Variants in EDIL3 observed in about 807,000 individuals in gnomAD.
EDIL3 encodes the protein EGF like and discoidin domains 3, also known as EGF-like repeat and discoidin I-like domain-containing protein 3.
EDIL3 carries 37 observed loss-of-function variants against 67.4 expected under a neutral mutation model. The ratio of observed to expected loss-of-function variants is 0.55; its 90% CI spans 0.42 to 0.72. The LOEUF is 0.72. Ranked by LOEUF, EDIL3 falls within the 30% of genes least tolerant of loss-of-function variation. The pLI, the probability that EDIL3 is intolerant of heterozygous loss-of-function variation, is 0.00. For missense variants in EDIL3, 527 were observed against 586.3 expected (o/e 0.90, Z 1.04); for synonymous variants, 195 against 196.3 (o/e 0.99, Z 0.05).
intron 6 of EDIL3, among the ~76,000 whole-genome samples, chr5:84,103,378 T>C (rs780106398): frequency 6.6e-6 from 1 of 152,012 alleles, no homozygotes; most frequent in Non-Finnish European, 1.5e-5. Flanking sequence ...TGGGATCTAA[T>C]TAAACTAAAG....
At chr5:84,375,310 C>A (rs191348065) in intron 1 of EDIL3, among the ~76,000 whole-genome samples, 13 of 152,176 alleles carry the variant, frequency 8.5e-5, no homozygotes, top group Non-Finnish European at 1.5e-4. Context: ...TGGAATAATA[C>A]AGCATAATTC....
At chr5:83,988,578 G>A (rs1392305552) in intron 9 of EDIL3, among the ~76,000 whole-genome samples, 1 of 152,034 alleles carries the variant, frequency 6.6e-6, no homozygotes, top group Non-Finnish European at 1.5e-5. Flanking sequence ...TATTGCCTGG[G>A]TATTCCTGGA....
rs149863771 is a variant in EDIL3 at position 84,009,987 on chromosome 5, C to T, written c.1138-46627G>A. On this transcript the variant is annotated intron_variant, in intron 9 of 10. Transcript: ENST00000296591. The stretch of plus-strand genomic sequence containing the variant: ...TGACTCGATAGAGCAGGTGTAACTT[C>T]CTCACTTCATAAAGGCTGAAACTGA... Among the ~76,000 whole-genome samples, 1,160 of 152,332 alleles carry T rather than the reference C, an allele frequency of 7.6e-3. 9 individuals carry two copies. Among genetic ancestry groups the T allele is most frequent in the South Asian group, 0.017 (83 of 4,830 alleles).
chr5:84,178,533 C>T (rs902272697), intron 4 of EDIL3, among the ~76,000 whole-genome samples: 32 of 152,154 alleles, frequency 2.1e-4, no homozygotes, highest in African/African-American at 7.7e-4. Context: ...GGACAGCTTG[C>T]TAACCTTTGT....
chr5:83,972,137 G>A (rs1744804225), intron 9 of EDIL3, among the ~76,000 whole-genome samples: 1 of 152,118 alleles, frequency 6.6e-6, no homozygotes, highest in African/African-American at 2.4e-5. Flanking sequence ...TGAATGAACA[G>A]TTTCATATTT....
intron 10 of EDIL3, among the ~76,000 whole-genome samples, chr5:83,952,540 C>T (rs1465309925): frequency 6.6e-6 from 1 of 151,742 alleles, no homozygotes; most frequent in Non-Finnish European, 1.5e-5. Context: ...GGAGATATTA[C>T]CAGGAATAGT....
intron 9 of EDIL3, among the ~76,000 whole-genome samples, chr5:84,043,055 A>G (rs2112215969): frequency 6.6e-6 from 1 of 152,350 alleles, no homozygotes; most frequent in African/African-American, 2.4e-5. Context: ...GACAAGTAGT[A>G]GCGATGATCC....
At chr5:84,230,797 G>GTGTGTGTGTGTA (rs1433503335) in intron 2 of EDIL3, among the ~76,000 whole-genome samples, 4 of 151,680 alleles carry the variant, frequency 2.6e-5, no homozygotes, top group Non-Finnish European at 5.9e-5. Flanking sequence ...GTGTGTGTGT[G>GTGTGTGTGTGTA]TGACATACAC....
intron 3 of EDIL3, among the ~76,000 whole-genome samples, chr5:84,217,457 G>C (rs342416): frequency 0.011 from 1,679 of 151,944 alleles, 41 homozygotes; most frequent in African/African-American, 0.039. Context: ...ATATTTTGTC[G>C]ATGTGATTAA....
intron 10 of EDIL3, among the ~76,000 whole-genome samples, chr5:83,951,129 C>G (rs1412643515): frequency 1.3e-5 from 2 of 151,600 alleles, no homozygotes; most frequent in African/African-American, 4.8e-5. Flanking sequence ...AACATTTTTG[C>G]TTGATGGGAG....
chr5:84,205,710 G>C (rs921118017), intron 3 of EDIL3, among the ~76,000 whole-genome samples: 4 of 151,978 alleles, frequency 2.6e-5, no homozygotes, highest in African/African-American at 2.4e-5. Context: ...AGAGGTGTTT[G>C]TAGTATTCTC....
chr5:84,326,598 T>G (rs933021735), intron 1 of EDIL3, among the ~76,000 whole-genome samples: 1 of 152,012 alleles, frequency 6.6e-6, no homozygotes, highest in African/African-American at 2.4e-5. Flanking sequence ...GATGTAAATC[T>G]CATCTTTATT....
At chr5:84,203,615 A>G (rs1743892803) in intron 3 of EDIL3, among the ~76,000 whole-genome samples, 1 of 152,190 alleles carries the variant, frequency 6.6e-6, no homozygotes, top group African/African-American at 2.4e-5. Flanking sequence ...AATCAGCTCC[A>G]ATAATTTAAT....
intron 9 of EDIL3, among the ~76,000 whole-genome samples, chr5:84,055,641 G>A (rs1381333542): frequency 6.6e-6 from 1 of 152,044 alleles, no homozygotes; most frequent in African/African-American, 2.4e-5. Flanking sequence ...ATCAAAAAGT[G>A]GGCAAAGGAT....
At chr5:84,286,403 C>G (rs920401346) in intron 1 of EDIL3, among the ~76,000 whole-genome samples, 6 of 152,046 alleles carry the variant, frequency 3.9e-5, no homozygotes, top group African/African-American at 1.4e-4. Context: ...AAAATACTCT[C>G]TAAAGTATAA....
At chr5:84,368,695 C>T (rs995489412) in intron 1 of EDIL3, among the ~76,000 whole-genome samples, 2 of 151,514 alleles carry the variant, frequency 1.3e-5, no homozygotes, top group East Asian at 1.9e-4. Flanking sequence ...AGGCAACCCA[C>T]GGAATGAGAA....
chr5:84,078,296 A>ATG (rs371344753), intron 6 of EDIL3, among the ~76,000 whole-genome samples: 1,519 of 151,858 alleles, frequency 0.01, 31 homozygotes, highest in African/African-American at 0.035. Context: ...ACCTGTGTGT[A>ATG]TGTGTGTGTG....
chr5:84,176,197 TAATATA>T lies in EDIL3; in HGVS notation c.355+4190_355+4195del, dbSNP rs1424000922. Among the ~76,000 whole-genome samples, 4 of 106,664 alleles carry T rather than the reference TAATATA, an allele frequency of 3.8e-5. No individual in the cohort carries two copies. In the South Asian group the frequency reaches 7.7e-4, roughly 20 times the overall value. 70.0% of individuals were successfully genotyped at this position (106,664 alleles called of 152,430 possible). A position where few individuals can be genotyped will look rare whatever the true frequency, so the allele number is the denominator to read the frequency against. The stretch of plus-strand genomic sequence containing the variant: ...GTGGTAAAAAATATATATATATATA[TAATATA>T]TATATATATATATATATATATATAA... On this transcript the variant is annotated intron_variant, in intron 4 of 10. Transcript: ENST00000296591.
chr5:84,274,810 A>C (rs13152917), intron 1 of EDIL3, among the ~76,000 whole-genome samples: 2 of 131,646 alleles, frequency 1.5e-5, no homozygotes, highest in Non-Finnish European at 3.3e-5. Context: ...CACACACACA[A>C]AGAGAGAAAG....
Sources: gnomAD v4.1 joint callset for allele counts (sites outside exome capture counted in the v4.1 genomes callset) on GRCh38, gnomAD v4.1.1 for gene constraint, MANE v1.5 for transcripts, NCBI Gene and HGNC (gene_info 2026-07-23, HGNC 2026-07-21) for gene names.